SGPP1: variants seen among roughly 807,000 people sequenced by gnomAD.
SGPP1 encodes the protein hSPP1.
A neutral mutation model predicts 33.0 loss-of-function variants in SGPP1; 21 were observed. That is an observed-to-expected ratio of 0.64 (90% confidence interval 0.45 to 0.92). The LOEUF (loss-of-function observed/expected upper bound fraction) is 0.92. Ranked by LOEUF, SGPP1 falls within the 40% of genes least tolerant of loss-of-function variation. The pLI is 0.00. For synonymous variants in SGPP1, 239 were observed against 241.2 expected, an observed-to-expected ratio of 0.99 and a Z score of 0.08; for missense variants, 543 against 589.4, an observed-to-expected ratio of 0.92 and a Z score of 0.81.
Position 63,685,889 on chromosome 14 carries a change from T to C in SGPP1, c.*216A>G, listed in dbSNP as rs760550307. 32 of 334,104 alleles carry C rather than the reference T, an allele frequency of 9.6e-5. No homozygotes were observed. Among genetic ancestry groups the C allele is most frequent in the Admixed American group, 6.8e-4 (15 of 22,054 alleles). The allele number at this position is 334,104 out of a possible 1,614,324, so 20.7% of individuals were successfully genotyped here. A position where few individuals can be genotyped will look rare whatever the true frequency, so the allele number is the denominator to read the frequency against. ...ACATTACATGAACATTCTAAATGGA[T>C]ACTTATCATTTTCTCAGTAACGAAA... is the stretch of plus-strand genomic sequence containing the variant. On this transcript the variant is annotated 3_prime_UTR_variant, in exon 3 of 3. Coordinates refer to ENST00000247225, the MANE Select transcript of SGPP1 (RefSeq NM_030791.4).
At chr14:63,702,096 A>G (rs2139638959) in intron 1 of SGPP1, among the ~76,000 whole-genome samples, 1 of 152,340 alleles carries the variant, frequency 6.6e-6, no homozygotes, top group Non-Finnish European at 1.5e-5. Context: ...ATAGAGTCTC[A>G]GAAGCTAGAG....
chr14:63,725,992 T>G (rs554617435), intron 1 of SGPP1, among the ~76,000 whole-genome samples: 2 of 152,220 alleles, frequency 1.3e-5, no homozygotes, highest in Non-Finnish European at 2.9e-5. Context: ...TGCTTCACAA[T>G]CTGAACATCA....
Position 63,686,400 on chromosome 14 carries a change from T to G in SGPP1, c.1031A>C (p.Asp344Ala). The G allele has an allele frequency of 1.2e-6, 2 of 1,614,172 alleles. No individual in the cohort carries two copies. Among genetic ancestry groups the G allele is most frequent in the Non-Finnish European group, 1.7e-6 (2 of 1,180,038 alleles). Residue 344 changes from aspartate (D) to alanine (A), a missense_variant, in exon 3 of 3, where the codon GAT (aspartate) becomes GCT (alanine). By Grantham distance (126) the Asp-to-Ala change is moderately radical (BLOSUM62 -2). Coordinates refer to ENST00000247225, the MANE Select transcript of SGPP1 (RefSeq NM_030791.4). ...HVTYNMGLVL[D>A]PSLDTLPLAG... ...TAAAGGTAATGTATCTAGAGAAGGATCTAATACTAGACCCATGTTATAAGT... is the reference window on the plus strand; with the variant it reads ...TAAAGGTAATGTATCTAGAGAAGGAGCTAATACTAGACCCATGTTATAAGT...
At chr14:63,698,217 T>C (rs1885226418) in intron 2 of SGPP1, among the ~76,000 whole-genome samples, 1 of 152,198 alleles carries the variant, frequency 6.6e-6, no homozygotes, top group Non-Finnish European at 1.5e-5. Context: ...TCAACAATAC[T>C]TAGGAGCTCT....
intron 1 of SGPP1, among the ~76,000 whole-genome samples, chr14:63,712,220 T>C (rs1268671867): frequency 1.3e-5 from 2 of 152,254 alleles, no homozygotes; most frequent in African/African-American, 4.8e-5. Context: ...AAGTCTTCTA[T>C]AAATTTCAGT....
chr14:63,695,247 G>A lies in SGPP1; in HGVS notation c.774+3322C>T, dbSNP rs181412899. Reference sequence around the variant, plus strand: ...AATTTTTTGTATTTTTAGTAGAGACGGGGTTTCACCGTGTTAGCCAGGATG... The same window carrying A: ...AATTTTTTGTATTTTTAGTAGAGACAGGGTTTCACCGTGTTAGCCAGGATG... On this transcript the variant is annotated intron_variant, in intron 2 of 2. Transcript: ENST00000247225. Among the ~76,000 whole-genome samples the A allele has an allele frequency of 2.0e-3, 301 of 152,028 alleles. 1 individual carries two copies. The highest frequency in any genetic ancestry group is 6.5e-3 in the African/African-American group (270 of 41,478).
intron 1 of SGPP1, among the ~76,000 whole-genome samples, chr14:63,725,203 T>C (rs1001818497): frequency 1.3e-5 from 2 of 152,096 alleles, no homozygotes; most frequent in African/African-American, 4.8e-5. Flanking sequence ...TGAAACCACA[T>C]CTCTACTAAA....
At chr14:63,716,528 T>TA (rs1434288236) in intron 1 of SGPP1, among the ~76,000 whole-genome samples, 1 of 151,428 alleles carries the variant, frequency 6.6e-6, no homozygotes, top group African/African-American at 2.4e-5. Flanking sequence ...AATATAAAAT[T>TA]AAAAAATTTA....
chr14:63,701,989 A>C (rs78879734), intron 1 of SGPP1, among the ~76,000 whole-genome samples: 1,744 of 151,360 alleles, frequency 0.012, 48 homozygotes, highest in African/African-American at 0.04. Context: ...ATCTTTCTGC[A>C]CTTCCTTCTC....
chr14:63,719,188 G>A (rs141367795), intron 1 of SGPP1, among the ~76,000 whole-genome samples: 5,276 of 149,674 alleles, frequency 0.035, 339 homozygotes, highest in African/African-American at 0.12. Context: ...CACCACACCC[G>A]GCTAATTTTT....
intron 1 of SGPP1, among the ~76,000 whole-genome samples, chr14:63,699,332 T>C (rs1045312249): frequency 1.3e-5 from 2 of 152,080 alleles, no homozygotes; most frequent in African/African-American, 4.8e-5. Context: ...GTGAATGTCC[T>C]GAGATTGGAG....
In SGPP1 at chr14:63,686,052, T is replaced by C. The variant is rs769042872; in HGVS notation, c.*53A>G. 5.6e-6 allele frequency: 6 copies of C among 1,075,174 alleles called. No homozygotes were observed. Among genetic ancestry groups the C allele is most frequent in the Non-Finnish European group, 7.8e-6 (6 of 764,526 alleles). The allele number at this position is 1,075,174 out of a possible 1,614,324, so 66.6% of individuals were successfully genotyped here. On this transcript the variant is annotated 3_prime_UTR_variant, in exon 3 of 3. Transcript: ENST00000247225. ...ACCTGGCTTTACCTGGAATATATTT[T>C]TGGGTATCAGTAACTGATACCCTCC...
At chr14:63,723,899 A>AT (rs1438564801) in intron 1 of SGPP1, among the ~76,000 whole-genome samples, 5 of 151,116 alleles carry the variant, frequency 3.3e-5, no homozygotes, top group Admixed American at 1.3e-4. Flanking sequence ...TTTTTTTGAG[A>AT]TAGGGTCTTG....
At position 63,727,910 on chromosome 14, in the gene SGPP1, C is replaced by A. The variant is rs865973433; in HGVS notation, c.35G>T (p.Gly12Val). ...SLRQRLAQLV[G>V]RLQDPQKVAR... is the part of the protein sequence containing the mutation. ...CACTTTCTGCGGGTCCTGCAGACGGCCAACCAGCTGGGCCAGGCGCTGCCT... is the reference window on the plus strand; with the variant it reads ...CACTTTCTGCGGGTCCTGCAGACGGACAACCAGCTGGGCCAGGCGCTGCCT... Residue 12 changes from glycine (G) to valine (V), a missense_variant, in exon 1 of 3, where the codon GGC (glycine) becomes GTC (valine). Gly to Val is a moderately radical substitution (Grantham distance 109, BLOSUM62 -3). Coordinates refer to ENST00000247225, the MANE Select transcript of SGPP1 (RefSeq NM_030791.4). The A allele has an allele frequency of 6.5e-7, 1 of 1,543,748 alleles. No homozygotes were observed. Among genetic ancestry groups the A allele is most frequent in the East Asian group, 2.5e-5 (1 of 40,446 alleles).
chr14:63,720,126 CA>C (rs569010417), intron 1 of SGPP1, among the ~76,000 whole-genome samples: 12,011 of 96,720 alleles, frequency 0.12, 1,098 homozygotes, highest in African/African-American at 0.31. Context: ...CTGCATCTCA[CA>C]AAAAAAAAAA....
At chr14:63,707,487 G>A (rs929247250) in intron 1 of SGPP1, among the ~76,000 whole-genome samples, 1 of 151,548 alleles carries the variant, frequency 6.6e-6, no homozygotes, top group Non-Finnish European at 1.5e-5. Flanking sequence ...AATAAATATA[G>A]ACGTCCAGGC....
In SGPP1 at chr14:63,714,881, C is replaced by T. The variant is rs536007858; in HGVS notation, c.684+12380G>A. Among the ~76,000 whole-genome samples, 179 of 151,964 alleles carry T rather than the reference C, an allele frequency of 1.2e-3. 1 individual carries two copies. The highest frequency in any genetic ancestry group is 2.4e-3 in the Non-Finnish European group (162 of 67,958). ...TAGCTGGGACCACAGGCACACACCACCACGCCTGGCTAACTTTCTATATTT... is the reference window on the plus strand; with the variant it reads ...TAGCTGGGACCACAGGCACACACCATCACGCCTGGCTAACTTTCTATATTT... On this transcript the variant is annotated intron_variant, in intron 1 of 2. Coordinates refer to ENST00000247225, the MANE Select transcript of SGPP1 (RefSeq NM_030791.4).
At chr14:63,719,008 ATATATATTT>A (rs1322937084) in intron 1 of SGPP1, among the ~76,000 whole-genome samples, 4 of 24,220 alleles carry the variant, frequency 1.7e-4, no homozygotes, top group South Asian at 1.7e-3. Flanking sequence ...ATATATATAT[ATATATATTT>A]TTTTTTTTTT....
At chr14:63,721,176 C>A (rs902547854) in intron 1 of SGPP1, among the ~76,000 whole-genome samples, 2 of 152,190 alleles carry the variant, frequency 1.3e-5, no homozygotes, top group African/African-American at 4.8e-5. Context: ...AGCCACAGCA[C>A]CCAGCCTAAT....
Sources: gnomAD v4.1 joint callset for allele counts (sites outside exome capture counted in the v4.1 genomes callset) on GRCh38, gnomAD v4.1.1 for gene constraint, MANE v1.5 for transcripts, NCBI Gene and HGNC (gene_info 2026-07-23, HGNC 2026-07-21) for gene names.